The following ATP13A4 variants were observed in gnomAD, a reference collection of about 807,000 sequenced individuals.
The protein encoded by ATP13A4 is ATPase 13A4.
In ATP13A4, 114 loss-of-function variants were observed where a neutral mutation model predicts 142.5. The ratio of observed to expected loss-of-function variants is 0.80; its 90% CI spans 0.69 to 0.93. ATP13A4 has a LOEUF of 0.93. ATP13A4 is among the 40% of genes least tolerant of loss of function. ATP13A4 has a pLI of 0.00. For missense variants in ATP13A4, 1,392 were observed against 1,454.0 expected (o/e 0.96, Z 0.69); for synonymous variants, 488 against 514.8 (o/e 0.95, Z 0.70).
intron 25 of ATP13A4, among the ~76,000 whole-genome samples, chr3:193,433,580 T>C (rs1245314942): frequency 6.6e-6 from 1 of 152,226 alleles, no homozygotes; most frequent in Non-Finnish European, 1.5e-5. Flanking sequence ...GCTTTTTTCA[T>C]TTTAAGTGTT....
Position 193,473,028 on chromosome 3 carries a change from G to A in ATP13A4, c.809-2035C>T, listed in dbSNP as rs142100409. 5.3e-3 allele frequency among the ~76,000 whole-genome samples: 810 copies of A among 152,266 alleles called. 13 individuals carry two copies. Among genetic ancestry groups the A allele is most frequent in the African/African-American group, 0.018 (758 of 41,562 alleles). On this transcript the variant is annotated intron_variant, in intron 8 of 29. Transcript: ENST00000342695. Reference sequence around the variant, plus strand: ...TTCTTGTTTATACACCAATAGTAATGAGCACATCCAGTGCCCAAAGTTTGG... The same window carrying A: ...TTCTTGTTTATACACCAATAGTAATAAGCACATCCAGTGCCCAAAGTTTGG...
Position 193,489,824 on chromosome 3 carries a change from C to G in ATP13A4, c.644G>C (p.Cys215Ser). Reference protein sequence around the residue: ...PFYIFQLFSVCLWFSEDYKEY... With the variant: ...PFYIFQLFSVSLWFSEDYKEY... ...CTTATAGTCTTCACTAAACCACAAA[C>G]AGACACTGAAGAGTTGAAATATATA... The change falls in exon 7 of 30, where the codon TGT becomes TCT. Residue 215 changes from cysteine to serine, a missense_variant. By Grantham distance (112) the Cys-to-Ser change is moderately radical (BLOSUM62 -1). Transcript: ENST00000342695. 5 of 1,612,110 alleles carry G rather than the reference C, an allele frequency of 3.1e-6. No homozygotes were observed. Among genetic ancestry groups the G allele is most frequent in the Non-Finnish European group, 4.2e-6 (5 of 1,178,350 alleles).
At chr3:193,555,187 G>A (rs1723837859), upstream of ATP13A4, 1 of 346,636 alleles carries the variant, frequency 2.9e-6, no homozygotes. Flanking sequence ...GAGTTGGCAG[G>A]ACCCTTCTCA....
intron 2 of ATP13A4, among the ~76,000 whole-genome samples, chr3:193,503,028 G>A (rs1433147208): frequency 1.3e-5 from 2 of 151,800 alleles, no homozygotes; most frequent in African/African-American, 2.4e-5. Context: ...CCCTTCCACC[G>A]GGGCGGGGCA....
At chr3:193,418,088 C>A (rs1276107976) in intron 25 of ATP13A4, among the ~76,000 whole-genome samples, 1 of 113,506 alleles carries the variant, frequency 8.8e-6, no homozygotes, top group Non-Finnish European at 1.7e-5. Flanking sequence ...CGCCACTGCA[C>A]TCCAGCCTGG....
intron 2 of ATP13A4, among the ~76,000 whole-genome samples, chr3:193,562,311 A>G (rs1306640045): frequency 6.6e-6 from 1 of 152,242 alleles, no homozygotes; most frequent in Non-Finnish European, 1.5e-5. Flanking sequence ...AATAAAGTAG[A>G]TCTATTGTCA....
intron 25 of ATP13A4, among the ~76,000 whole-genome samples, chr3:193,429,924 A>T (rs1477660583): frequency 6.6e-6 from 1 of 152,108 alleles, no homozygotes; most frequent in African/African-American, 2.4e-5. Flanking sequence ...GGATAGTAAG[A>T]TAAAAATAGG....
Position 193,417,781 on chromosome 3 carries a change from C to T in ATP13A4, c.2843-3031G>A, listed in dbSNP as rs181517915. The stretch of plus-strand genomic sequence containing the variant: ...CAGGTGGATCACGAGGTCAGGAGAT[C>T]GAGACCATCCTGGCTAACAGAGTGA... On this transcript the variant is annotated intron_variant, in intron 25 of 29. Coordinates refer to ENST00000342695, the MANE Select transcript of ATP13A4 (RefSeq NM_032279.4). Among the ~76,000 whole-genome samples the T allele has an allele frequency of 2.6e-4, 39 of 149,698 alleles. 3 individuals are homozygous for T. In the East Asian group the frequency reaches 2.7e-3, roughly 10 times the overall value.
chr3:193,442,657 G>A, intron 18 of ATP13A4, 101 bp from the exon 19 acceptor site: 1 of 1,196,240 alleles, frequency 8.4e-7, no homozygotes, highest in East Asian at 2.4e-5. Context: ...CTTATTTCAG[G>A]TATGAAGAGA....
In ATP13A4 at chr3:193,441,548, C is replaced by T. The variant is rs1366945858; in HGVS notation, c.2357G>A (p.Gly786Asp). The part of the protein sequence containing the change: ...INIRDEVSDK[G>D]REGSYHFALT... Reference sequence around the variant, plus strand: ...GGCAAAATGGTAACTTCCTTCTCTGCCTTTATCAGAGACTTCATCCCTGAT... The same window carrying T: ...GGCAAAATGGTAACTTCCTTCTCTGTCTTTATCAGAGACTTCATCCCTGAT... The change falls in exon 20 of 30, where the codon GGC becomes GAC. Residue 786 changes from glycine (G) to aspartate (D), a missense_variant. Transcript: ENST00000342695. 3 of 1,612,770 alleles carry T rather than the reference C, an allele frequency of 1.9e-6. No homozygotes were observed. The highest frequency in any genetic ancestry group is 1.7e-4 in the Middle Eastern group (1 of 6,058).
chr3:193,474,868 A>G (rs888372605), intron 8 of ATP13A4, among the ~76,000 whole-genome samples: 2 of 152,024 alleles, frequency 1.3e-5, no homozygotes, highest in African/African-American at 4.8e-5. Context: ...TCTAGAAAAA[A>G]AGTTATTTAA....
At position 193,529,070 on chromosome 3, in the gene ATP13A4, G is replaced by A. The variant is rs183293496; in HGVS notation, c.61-14199C>T. ...GCAGATCACGAGGTCAGGAGATCAA[G>A]ACCATCCTAGCTAACATGGCGAAAC... On this transcript the variant is annotated intron_variant, in intron 1 of 29. Transcript: ENST00000342695. 2.2e-4 allele frequency among the ~76,000 whole-genome samples: 33 copies of A among 152,230 alleles called. No individual in the cohort carries two copies. The Middle Eastern group carries it at 0.014, about 63-fold the overall frequency.
At chr3:193,452,045 C>T (rs1717311128) in intron 17 of ATP13A4, among the ~76,000 whole-genome samples, 3 of 152,142 alleles carry the variant, frequency 2.0e-5, no homozygotes, top group Non-Finnish European at 4.4e-5. Context: ...GCGCCACAGC[C>T]CTCACTATTC....
chr3:193,435,809 TG>T, intron 23 of ATP13A4, 65 bp from the exon 24 acceptor site: 1 of 1,395,566 alleles, frequency 7.2e-7, no homozygotes, highest in Non-Finnish European at 1.0e-6. Flanking sequence ...AGTCATTCTG[TG>T]CTGTTCAGCT....
intron 1 of ATP13A4, among the ~76,000 whole-genome samples, chr3:193,536,961 T>C (rs188152660): frequency 3.9e-5 from 6 of 152,066 alleles, no homozygotes; most frequent in Non-Finnish European, 5.9e-5. Context: ...TGAAGGAAGA[T>C]CTAAGCAAAC....
chr3:193,414,522 G>A, intron 26 of ATP13A4, 57 bp downstream of exon 26: 2 of 1,595,722 alleles, frequency 1.3e-6, no homozygotes, highest in East Asian at 2.2e-5. Flanking sequence ...ATATTGGCCA[G>A]AGGATGTTTG....
intron 2 of ATP13A4, among the ~76,000 whole-genome samples, chr3:193,561,013 C>CA (rs1221650943): frequency 6.6e-6 from 1 of 152,210 alleles, no homozygotes; most frequent in Non-Finnish European, 1.5e-5. Context: ...GGGCCTGAGG[C>CA]AGCGTTCCAA....
rs893256857 is a variant in ATP13A4 at position 193,441,547 on chromosome 3, G to A, written c.2358C>T (p.Gly786=). 1 of 1,613,230 alleles carries A rather than the reference G, an allele frequency of 6.2e-7. No individual in the cohort carries two copies. Among genetic ancestry groups the A allele is most frequent in the Non-Finnish European group, 8.5e-7 (1 of 1,179,294 alleles). The change falls in exon 20 of 30, where the codon GGC becomes GGT. Residue 786 remains glycine (G), a synonymous_variant. Transcript: ENST00000342695. ...INIRDEVSDK[G]REGSYHFALT... ...GGGCAAAATGGTAACTTCCTTCTCT[G>A]CCTTTATCAGAGACTTCATCCCTGA...
chr3:193,425,396 G>T (rs1486894962), intron 25 of ATP13A4, among the ~76,000 whole-genome samples: 6 of 151,622 alleles, frequency 4.0e-5, no homozygotes, highest in African/African-American at 1.5e-4. Context: ...GTATGTCAAA[G>T]AAATATCTGC....
Sources: allele counts gnomAD v4.1 joint callset (sites outside exome capture counted in the v4.1 genomes callset), GRCh38; gene constraint gnomAD v4.1.1; transcripts MANE v1.5; gene names NCBI Gene and HGNC (gene_info 2026-07-23, HGNC 2026-07-21).